The following CHD9 variants were observed in gnomAD, a reference collection of about 807,000 sequenced individuals.
CHD9 encodes chromodomain helicase DNA binding protein 9.
CHD9 carries 77 observed loss-of-function variants against 316.1 expected under a neutral mutation model. That is an observed-to-expected ratio of 0.24 (90% CI 0.20 to 0.29). The LOEUF (loss-of-function observed/expected upper bound fraction) is 0.29, where lower values mean the gene tolerates loss of function less well. Ranked by LOEUF, CHD9 falls within the 10% of genes least tolerant of loss-of-function variation. The pLI, the probability that CHD9 is intolerant of heterozygous loss-of-function variation, is 1.00. For missense variants in CHD9, 2,763 were observed against 3,438.1 expected (o/e 0.80, Z 4.91); for synonymous variants, 1,129 against 1,158.3 (o/e 0.97, Z 0.51).
intron 1 of CHD9, among the ~76,000 whole-genome samples, chr16:53,146,072 A>G (rs2040548145): frequency 6.6e-6 from 1 of 151,444 alleles, no homozygotes; most frequent in African/African-American, 2.4e-5. Context: ...GTTAAGAGAA[A>G]TGGTGGGTAA....
intron 37 of CHD9, among the ~76,000 whole-genome samples, chr16:53,320,617 A>G (rs183944515): frequency 1.0e-3 from 153 of 152,322 alleles, no homozygotes; most frequent in African/African-American, 3.2e-3. Context: ...TCAAAGTGGT[A>G]TAGAAGAAGA....
At chr16:53,181,274 G>A (rs955558656) in intron 2 of CHD9, among the ~76,000 whole-genome samples, 2 of 152,126 alleles carry the variant, frequency 1.3e-5, no homozygotes, top group Admixed American at 6.5e-5. Flanking sequence ...GCCTCCTATA[G>A]TGCTGGGATT....
At chr16:53,088,054 G>C (rs1421126942) in intron 1 of CHD9, among the ~76,000 whole-genome samples, 1 of 152,074 alleles carries the variant, frequency 6.6e-6, no homozygotes. Flanking sequence ...GATGGATTTG[G>C]AGTTCAAATG....
Position 53,262,980 on chromosome 16 carries a change from A to G in CHD9, c.4210-7A>G. The G allele has an allele frequency of 6.2e-7, 1 of 1,609,572 alleles. No homozygotes were observed. The highest frequency in any genetic ancestry group is 8.5e-7 in the Non-Finnish European group (1 of 1,176,586). The stretch of plus-strand genomic sequence containing the variant: ...TTTTCCTCTAAAACTGCCATTATAT[A>G]TTTCAGGCGAGTTTTGTGGCATCTG... On this transcript the variant is annotated splice_polypyrimidine_tract_variant and splice_region_variant and intron_variant, in intron 19 of 38. Coordinates refer to ENST00000447540, the MANE Select transcript of CHD9 (RefSeq NM_001308319.2).
intron 1 of CHD9, among the ~76,000 whole-genome samples, chr16:53,083,917 A>AC (rs1434925205): frequency 2.0e-5 from 3 of 148,078 alleles, no homozygotes; most frequent in Non-Finnish European, 4.5e-5. Context: ...TGCCCAACTA[A>AC]TTTTTTTTTT....
chr16:53,175,749 T>C (rs1274826577), intron 2 of CHD9, among the ~76,000 whole-genome samples: 1 of 152,276 alleles, frequency 6.6e-6, no homozygotes, highest in Non-Finnish European at 1.5e-5. Context: ...TATACAAAGC[T>C]GTAACTGCTT....
At chr16:53,131,099 G>C (rs1338712597) in intron 1 of CHD9, 1 of 6,442 alleles carries the variant, frequency 1.6e-4, no homozygotes, top group Non-Finnish European at 3.6e-4. Context: ...CACCGCCTCG[G>C]GCGTGGGGAG....
At chr16:53,278,103 C>T (rs922122624) in intron 24 of CHD9, among the ~76,000 whole-genome samples, 2 of 151,856 alleles carry the variant, frequency 1.3e-5, no homozygotes, top group African/African-American at 2.4e-5. Context: ...TGAAAGAAAT[C>T]GTAGATGACA....
chr16:53,157,727 T>C (rs1367301318), intron 2 of CHD9, among the ~76,000 whole-genome samples, 186 bp downstream of exon 2: 1 of 152,242 alleles, frequency 6.6e-6, no homozygotes, highest in Non-Finnish European at 1.5e-5. Flanking sequence ...TTCACTGATA[T>C]GCTCAAAGCA....
intron 1 of CHD9, among the ~76,000 whole-genome samples, chr16:53,148,772 T>C (rs2040851150): frequency 6.6e-6 from 1 of 152,254 alleles, no homozygotes; most frequent in Admixed American, 6.5e-5. Context: ...ACAAATACTT[T>C]CTTGCATTCT....
chr16:53,211,095 T>C (rs2046298139), intron 3 of CHD9, among the ~76,000 whole-genome samples: 1 of 152,098 alleles, frequency 6.6e-6, no homozygotes, highest in South Asian at 2.1e-4. Flanking sequence ...CAGTTTTAAC[T>C]TGTTCAGAGA....
At chr16:53,281,890 A>T (rs1235500021) in intron 24 of CHD9, among the ~76,000 whole-genome samples, 4 of 152,196 alleles carry the variant, frequency 2.6e-5, no homozygotes, top group Non-Finnish European at 2.9e-5. Context: ...GTCATTCACT[A>T]CTACTTAACC....
intron 4 of CHD9, among the ~76,000 whole-genome samples, chr16:53,223,252 T>G (rs1029247438): frequency 1.7e-4 from 7 of 40,120 alleles, no homozygotes; most frequent in South Asian, 1.1e-3. Context: ...GCATTTTGCC[T>G]TTTTTTTTTT....
At chr16:53,146,491 C>T (rs1215822519) in intron 1 of CHD9, among the ~76,000 whole-genome samples, 8 of 140,278 alleles carry the variant, frequency 5.7e-5, no homozygotes, top group South Asian at 2.2e-4. Flanking sequence ...TTAACACTAC[C>T]GAACTGTATA....
chr16:53,285,578 A>G lies in CHD9; in HGVS notation c.4968-18A>G. On this transcript the variant is annotated intron_variant, in intron 24 of 38. Coordinates refer to ENST00000447540, the MANE Select transcript of CHD9 (RefSeq NM_001308319.2). ...CATTTATAATAATTCATAATGCCAT[A>G]TTATGATTTTTTTAAAGTGACATTG... 6.6e-7 allele frequency: 1 copy of G among 1,514,860 alleles called. No homozygotes were observed. The highest frequency in any genetic ancestry group is 9.1e-7 in the Non-Finnish European group (1 of 1,104,822). 93.8% of individuals were successfully genotyped at this position (1,514,860 alleles called of 1,614,324 possible).
chr16:53,091,329 C>T (rs982578037), intron 1 of CHD9, among the ~76,000 whole-genome samples: 1 of 152,222 alleles, frequency 6.6e-6, no homozygotes, highest in African/African-American at 2.4e-5. Flanking sequence ...CTCTCTGCTT[C>T]AGTTTCCTCA....
chr16:53,137,517 T>G (rs1567360759), intron 1 of CHD9, among the ~76,000 whole-genome samples: 1 of 152,210 alleles, frequency 6.6e-6, no homozygotes, highest in African/African-American at 2.4e-5. Context: ...TCAAATTTGT[T>G]GTTCCAATTT....
intron 3 of CHD9, among the ~76,000 whole-genome samples, chr16:53,220,035 A>T (rs1450974522): frequency 6.6e-6 from 1 of 152,220 alleles, no homozygotes; most frequent in South Asian, 2.1e-4. Flanking sequence ...CTAACAGTAA[A>T]TATAGCCTCA....
rs138320353 is a variant in CHD9 at position 53,161,840 on chromosome 16, C to T, written c.1452+4299C>T. Among the ~76,000 whole-genome samples the T allele has an allele frequency of 2.6e-4, 39 of 151,334 alleles. No individual in the cohort carries two copies. The East Asian group carries it at 7.4e-3, about 29-fold the overall frequency. ...GATCTCAGCTTACTGCAACCTCTGC[C>T]TCCTGGGCTTAAGCGATCCTCCCGC... On this transcript the variant is annotated intron_variant, in intron 2 of 38. Transcript: ENST00000447540.
Sources: allele counts gnomAD v4.1 joint callset (sites outside exome capture counted in the v4.1 genomes callset), GRCh38; gene constraint gnomAD v4.1.1; transcripts MANE v1.5; gene names NCBI Gene and HGNC (gene_info 2026-07-23, HGNC 2026-07-21).